MMAA: variants seen among roughly 807,000 people sequenced by gnomAD.
MMAA encodes the protein metabolism of cobalamin associated A.
In MMAA, 41 loss-of-function variants were observed where a neutral mutation model predicts 45.0. The observed-to-expected ratio is 0.91, with a 90% CI of 0.71 to 1.18. The LOEUF is 1.18. Ranked by LOEUF, MMAA falls within the 50% of genes most tolerant of loss-of-function variation. The pLI is 0.00. For missense variants in MMAA, 460 were observed against 495.7 expected (o/e 0.93, Z 0.68); for synonymous variants, 154 against 178.2 (o/e 0.86, Z 1.08).
At chr4:145,641,460 G>C (rs1016009519) in intron 2 of MMAA, among the ~76,000 whole-genome samples, 2 of 152,148 alleles carry the variant, frequency 1.3e-5, no homozygotes, top group African/African-American at 4.8e-5. Flanking sequence ...TCTGCCCCAA[G>C]AATTGTGGTA....
rs1254417765 is a variant in MMAA at position 145,656,675 on chromosome 4, G to T, written c.*1241G>T. ...GTTTTATACTTATTTGATGGTAGTT[G>T]TAACTGTGTACATTTGAATAAAATT... On this transcript the variant is annotated 3_prime_UTR_variant, in exon 7 of 7. Coordinates refer to ENST00000649156, the MANE Select transcript of MMAA (RefSeq NM_172250.3). 1 of 152,136 alleles carries T rather than the reference G, an allele frequency of 6.6e-6. No homozygotes were observed. Among genetic ancestry groups the T allele is most frequent in the Non-Finnish European group, 1.5e-5 (1 of 67,992 alleles). 9.4% of individuals were successfully genotyped at this position (152,136 alleles called of 1,614,324 possible).
intron 1 of MMAA, among the ~76,000 whole-genome samples, chr4:145,629,225 C>T (rs1008540992): frequency 3.3e-5 from 5 of 152,048 alleles, no homozygotes; most frequent in Admixed American, 6.5e-5. Flanking sequence ...CTGCCTCCTG[C>T]GTTCACGCCA....
chr4:145,642,528 C>A, intron 3 of MMAA, 43 bp downstream of exon 3: 1 of 1,612,702 alleles, frequency 6.2e-7, no homozygotes, highest in Non-Finnish European at 8.5e-7. Context: ...GGTCTGGGGG[C>A]TTTCTGTTAC....
intron 1 of MMAA, among the ~76,000 whole-genome samples, chr4:145,638,638 C>T (rs962021374): frequency 6.6e-6 from 1 of 152,110 alleles, no homozygotes; most frequent in African/African-American, 2.4e-5. Context: ...GTAGTAATCA[C>T]ATTTCTTTTT....
chr4:145,639,528 A>G lies in MMAA; in HGVS notation c.389A>G (p.His130Arg), dbSNP rs1727723288. Residue 130 changes from histidine (H) to arginine (R), a missense_variant, in exon 2 of 7, where the codon CAC becomes CGC. By Grantham distance (29) the His-to-Arg change is conservative. Coordinates refer to ENST00000649156, the MANE Select transcript of MMAA (RefSeq NM_172250.3). ...CTTCTTCAGAAAGTATTACTTTACC[A>G]CAGAGAACAAGAACAATCAAATAAA... ...QVLLQKVLLY[H>R]REQEQSNKGK... 1 of 1,613,240 alleles carries G rather than the reference A, an allele frequency of 6.2e-7. No homozygotes were observed. The highest frequency in any genetic ancestry group is 1.3e-5 in the African/African-American group (1 of 74,836).
chr4:145,650,484 T>A (rs369718384), intron 4 of MMAA: 1 of 160,228 alleles, frequency 6.2e-6, no homozygotes, highest in Admixed American at 5.9e-5. Context: ...TGAATGTTCA[T>A]AATAGCTGCT....
intron 1 of MMAA, chr4:145,624,366 ATCT>A (rs1308238753): frequency 1.0e-5 from 8 of 783,214 alleles, no homozygotes; most frequent in Non-Finnish European, 1.6e-5. Flanking sequence ...GAGGTTGCCC[ATCT>A]TCTTTCCCAG....
rs902568551 is a variant in MMAA, at chr4:145,658,434, T to C, written c.*3000T>C. 2.0e-5 allele frequency: 3 copies of C among 152,096 alleles called. No homozygotes were observed. The highest frequency in any genetic ancestry group is 7.2e-5 in the African/African-American group (3 of 41,412). The allele number at this position is 152,096 out of a possible 1,614,324, so 9.4% of individuals were successfully genotyped here. On this transcript the variant is annotated 3_prime_UTR_variant, in exon 7 of 7. Transcript: ENST00000649156. ...TATGATTACCATTAACTTCTGTAGATAGGAAAAAAATGTGCTGAGCTCCAA... is the reference window on the plus strand; with the variant it reads ...TATGATTACCATTAACTTCTGTAGACAGGAAAAAAATGTGCTGAGCTCCAA...
intron 1 of MMAA, among the ~76,000 whole-genome samples, chr4:145,627,752 G>A (rs1734234596): frequency 6.6e-6 from 1 of 152,032 alleles, no homozygotes; most frequent in Admixed American, 6.6e-5. Flanking sequence ...AAATGTGAAC[G>A]ATATGCACTA....
At chr4:145,644,489 AAG>A (rs1396503345) in intron 3 of MMAA, among the ~76,000 whole-genome samples, 1 of 152,188 alleles carries the variant, frequency 6.6e-6, no homozygotes, top group African/African-American at 2.4e-5. Context: ...ATTATGTGGA[AAG>A]AGGGAAAATG....
chr4:145,619,760 C>A (rs902624156), intron 1 of MMAA, among the ~76,000 whole-genome samples: 1 of 152,140 alleles, frequency 6.6e-6, no homozygotes, highest in Non-Finnish European at 1.5e-5. Context: ...GCTGCCAAAC[C>A]CGGTAAATGG....
intron 1 of MMAA, among the ~76,000 whole-genome samples, chr4:145,627,354 A>G (rs1254566053): frequency 2.6e-5 from 4 of 152,198 alleles, no homozygotes; most frequent in Admixed American, 2.6e-4. Flanking sequence ...TTAGAAGGCA[A>G]AATGTTTTAG....
intron 3 of MMAA, 120 bp from the exon 4 acceptor site, chr4:145,645,866 A>T (rs1354458823): frequency 9.4e-6 from 8 of 853,186 alleles, no homozygotes; most frequent in African/African-American, 1.7e-5. Context: ...GAAGCTCAGT[A>T]ATATGAAATG....
chr4:145,649,005 G>A (rs1432203196), intron 4 of MMAA, among the ~76,000 whole-genome samples: 1 of 151,282 alleles, frequency 6.6e-6, no homozygotes, highest in Non-Finnish European at 1.5e-5. Flanking sequence ...AAAGAACCCT[G>A]AGGTCAGGCA....
chr4:145,621,117 C>T (rs1265163253), intron 1 of MMAA, among the ~76,000 whole-genome samples: 1 of 152,192 alleles, frequency 6.6e-6, no homozygotes, highest in Non-Finnish European at 1.5e-5. Context: ...TGATGCCAGG[C>T]CCTGTGCCAG....
chr4:145,657,449 G>C lies in MMAA; in HGVS notation c.*2015G>C, dbSNP rs1283982601. 2.6e-5 allele frequency: 4 copies of C among 151,768 alleles called. No individual in the cohort carries two copies. Among genetic ancestry groups the C allele is most frequent in the African/African-American group, 9.7e-5 (4 of 41,308 alleles). 9.4% of individuals were successfully genotyped at this position (151,768 alleles called of 1,614,324 possible). Reference sequence around the variant, plus strand: ...TATATTGTACTGGACTTCTGACTTGGTCAAAAGCATAGGTTTTGACTTAGA... The same window carrying C: ...TATATTGTACTGGACTTCTGACTTGCTCAAAAGCATAGGTTTTGACTTAGA... On this transcript the variant is annotated 3_prime_UTR_variant, in exon 7 of 7. Transcript: ENST00000649156.
rs143211378 is a variant in MMAA at position 145,639,196 on chromosome 4, A to C, written c.57A>C (p.Ala19=). The C allele has an allele frequency of 6.2e-7, 1 of 1,614,024 alleles. No individual in the cohort carries two copies. Among genetic ancestry groups the C allele is most frequent in the Non-Finnish European group, 8.5e-7 (1 of 1,180,028 alleles). ...HQHFLKGLLR[A]PFRCYHFIFH... The stretch of plus-strand genomic sequence containing the variant: ...ATTTCCTAAAAGGCCTTTTAAGAGC[A>C]CCTTTCCGATGTTACCACTTCATCT... The change falls in exon 2 of 7, where the codon GCA becomes GCC. Residue 19 remains alanine, a synonymous_variant. Transcript: ENST00000649156.
Position 145,651,143 on chromosome 4 carries a change from T to A in MMAA, c.815T>A (p.Leu272Gln), listed in dbSNP as rs1192125693. 3 of 1,613,370 alleles carry A rather than the reference T, an allele frequency of 1.9e-6. No homozygotes were observed. The Admixed American group carries it at 5.0e-5, about 27-fold the overall frequency. Residue 272 changes from leucine (L) to glutamine (Q), a missense_variant, in exon 5 of 7, where the codon CTG (leucine) becomes CAG (glutamine). Physicochemically the swap from Leu to Gln is moderately radical, Grantham distance 113 (BLOSUM62 -2). Coordinates refer to ENST00000649156, the MANE Select transcript of MMAA (RefSeq NM_172250.3). ...CTGCCACCAGCAGGAGGAGATGAGC[T>A]GCAGGTAATTATTTTTATTTTTTCC... is the stretch of plus-strand genomic sequence containing the variant. ...LLLPPAGGDELQGIKRGIIEM... is the reference protein window; with the variant it reads ...LLLPPAGGDEQQGIKRGIIEM...
At chr4:145,647,757 C>G (rs772527420) in intron 4 of MMAA, among the ~76,000 whole-genome samples, 9 of 152,170 alleles carry the variant, frequency 5.9e-5, no homozygotes, top group Non-Finnish European at 1.0e-4. Flanking sequence ...AAGGCCCTAC[C>G]CTTATGACCT....
Sources: allele counts gnomAD v4.1 joint callset (sites outside exome capture counted in the v4.1 genomes callset), GRCh38; gene constraint gnomAD v4.1.1; transcripts MANE v1.5; gene names NCBI Gene and HGNC (gene_info 2026-07-23, HGNC 2026-07-21).